VPS35: variants seen among roughly 807,000 people sequenced by gnomAD.
VPS35 encodes vacuolar protein sorting-associated protein 35.
VPS35 carries 21 observed loss-of-function variants against 98.1 expected under a neutral mutation model. The observed-to-expected ratio is 0.21, with a 90% CI of 0.15 to 0.31. The LOEUF (loss-of-function observed/expected upper bound fraction) is 0.31. Among genes scored for constraint, VPS35 ranks in the 10% least tolerant of loss-of-function variants. The probability of loss-of-function intolerance (pLI) is 1.00; values close to 1 mark genes in which losing one functional copy is unlikely to be tolerated. For synonymous variants in VPS35, 268 were observed against 318.2 expected, an observed-to-expected ratio of 0.84 and a Z score of 1.68; for missense variants, 554 against 950.8, an observed-to-expected ratio of 0.58 and a Z score of 5.49.
At chr16:46,668,800 AAATGGGATTTT>A (rs1437923512) in intron 13 of VPS35, 119 bp downstream of exon 13, 15 of 1,333,528 alleles carry the variant, frequency 1.1e-5, no homozygotes, top group African/African-American at 3.0e-5. Flanking sequence ...GAGTTGGCGA[AAATGGGATTTT>A]ATTATACCAC....
In VPS35 at chr16:46,660,454, T is replaced by C. The variant is rs780867284; in HGVS notation, c.*18A>G. ...CACTGGATGTACATGGAAAGGAGTA[T>C]GGTGAGCTATTTCCTTTTTAAAGGA... On this transcript the variant is annotated 3_prime_UTR_variant, in exon 17 of 17. Coordinates refer to ENST00000299138, the MANE Select transcript of VPS35 (RefSeq NM_018206.6). The C allele has an allele frequency of 8.7e-6, 14 of 1,612,700 alleles. No homozygotes were observed. Among genetic ancestry groups the C allele is most frequent in the Admixed American group, 1.7e-5 (1 of 59,992 alleles).
intron 1 of VPS35, among the ~76,000 whole-genome samples, chr16:46,686,701 G>A (rs1354354693): frequency 1.3e-5 from 2 of 152,280 alleles, no homozygotes; most frequent in South Asian, 4.1e-4. Flanking sequence ...ATATGAGCAC[G>A]CTATCATTAA....
chr16:46,660,303 A>C lies in VPS35; in HGVS notation c.*169T>G. 1.6e-6 allele frequency: 1 copy of C among 609,298 alleles called. No individual in the cohort carries two copies. The allele number at this position is 609,298 out of a possible 1,614,324, so 37.7% of individuals were successfully genotyped here. On this transcript the variant is annotated 3_prime_UTR_variant, in exon 17 of 17. Transcript: ENST00000299138. ...CACTTACCAAGTGAATAATTTTATT[A>C]AGGTCCTGAAGGTGAGTGTCCGGAG...
chr16:46,662,681 T>C (rs1352246953), intron 14 of VPS35, among the ~76,000 whole-genome samples, 199 bp from the exon 15 acceptor site: 1 of 152,200 alleles, frequency 6.6e-6, no homozygotes, highest in Non-Finnish European at 1.5e-5. Flanking sequence ...AAGAAACTTC[T>C]TTCAACTTTG....
chr16:46,661,932 C>T lies in VPS35; in HGVS notation c.2068-71G>A. 4.4e-6 allele frequency: 7 copies of T among 1,594,788 alleles called. No individual in the cohort carries two copies. The highest frequency in any genetic ancestry group is 6.0e-6 in the Non-Finnish European group (7 of 1,164,662). On this transcript the variant is annotated intron_variant, in intron 15 of 16. Coordinates refer to ENST00000299138, the MANE Select transcript of VPS35 (RefSeq NM_018206.6). This position sits in a 1 kb window ranked among gnomAD's most constrained non-coding sequence, Gnocchi z 4.3. ...CTCGTTTTCATACAAAGAAACACAA[C>T]ACTACCGTGGCTCTTTCGTGTTTTA...
intron 12 of VPS35, among the ~76,000 whole-genome samples, chr16:46,669,392 G>A (rs964150539): frequency 1.3e-5 from 2 of 152,154 alleles, no homozygotes; most frequent in South Asian, 2.1e-4. Flanking sequence ...CTGGCCAGGT[G>A]TGGTGACTCA....
At chr16:46,688,544 G>A (rs958724727) in intron 1 of VPS35, 3 of 991,070 alleles carry the variant, frequency 3.0e-6, no homozygotes, top group African/African-American at 3.5e-5. Flanking sequence ...AGGATTAGAA[G>A]ACAGCCTGAG....
At chr16:46,676,500 C>T in intron 8 of VPS35, 83 bp downstream of exon 8, 1 of 868,524 alleles carries the variant, frequency 1.2e-6, no homozygotes, top group Non-Finnish European at 1.9e-6. Flanking sequence ...AAAGATGTAA[C>T]AGAAACAAAT....
intron 13 of VPS35, among the ~76,000 whole-genome samples, chr16:46,666,398 A>G (rs771306149): frequency 6.6e-6 from 1 of 151,714 alleles, no homozygotes; most frequent in Non-Finnish European, 1.5e-5. Context: ...ACTCCCGAGT[A>G]GCTGGGACTA....
At chr16:46,679,896 A>G (rs192120373) in intron 5 of VPS35, among the ~76,000 whole-genome samples, 8 of 152,212 alleles carry the variant, frequency 5.3e-5, no homozygotes, top group Non-Finnish European at 8.8e-5. Context: ...AAAAAACATT[A>G]GAAATAAATG....
intron 2 of VPS35, 105 bp downstream of exon 2, chr16:46,683,403 G>T: frequency 9.4e-7 from 1 of 1,068,308 alleles, no homozygotes; most frequent in East Asian, 2.5e-5. Flanking sequence ...GCTGGTAAAC[G>T]GTGAAGATTA....
At chr16:46,672,218 A>C (rs1252841345) in intron 11 of VPS35, 47 bp downstream of exon 11, 1 of 1,569,986 alleles carries the variant, frequency 6.4e-7, no homozygotes, top group African/African-American at 1.4e-5. Flanking sequence ...CCAAAGTCTA[A>C]AATTGTAACA....
rs553156270 is a variant in VPS35, at chr16:46,656,274, G to T, written c.*4198C>A. 6.6e-6 allele frequency: 1 copy of T among 152,148 alleles called. No homozygotes were observed. Among genetic ancestry groups the T allele is most frequent in the Non-Finnish European group, 1.5e-5 (1 of 68,018 alleles). 9.4% of individuals were successfully genotyped at this position (152,148 alleles called of 1,614,324 possible). A position where few individuals can be genotyped will look rare whatever the true frequency, so the allele number is the denominator to read the frequency against. On this transcript the variant is annotated 3_prime_UTR_variant, in exon 17 of 17. Transcript: ENST00000299138. The stretch of plus-strand genomic sequence containing the variant: ...GCTCTGCACATGGGAAGATAAACTC[G>T]TAATGAACATTATCAATCAGTATGC...
intron 15 of VPS35, 140 bp downstream of exon 15, chr16:46,662,103 C>A: frequency 6.7e-7 from 1 of 1,491,420 alleles, no homozygotes; most frequent in Non-Finnish European, 9.2e-7. Flanking sequence ...GGATGAGACT[C>A]TCTTTTTTAA....
At chr16:46,683,376 T>G in intron 2 of VPS35, 132 bp downstream of exon 2, 10 of 849,146 alleles carry the variant, frequency 1.2e-5, no homozygotes, top group Admixed American at 2.0e-5. Flanking sequence ...TTGAGGGAGA[T>G]GAGACTGAAG....
intron 1 of VPS35, among the ~76,000 whole-genome samples, chr16:46,686,463 T>C (rs565196734): frequency 2.0e-5 from 3 of 152,360 alleles, no homozygotes; most frequent in African/African-American, 7.2e-5. Flanking sequence ...AAAATTCTTC[T>C]ATTTTGTCTC....
chr16:46,671,664 C>G lies in VPS35; in HGVS notation c.1524+41G>C, dbSNP rs4966616. 241,055 of 1,612,412 alleles carry G rather than the reference C, an allele frequency of 0.15. 19,954 individuals carry two copies. The highest frequency in any genetic ancestry group is 0.29 in the African/African-American group (21,636 of 74,906). On this transcript the variant is annotated intron_variant, in intron 12 of 16. Transcript: ENST00000299138. ...TTAAGCACTTGAACATGTGATTTCA[C>G]TAGGAGCTGATACAGGGATATACTA...
chr16:46,663,512 G>A (rs566206994), intron 13 of VPS35, among the ~76,000 whole-genome samples: 2 of 152,244 alleles, frequency 1.3e-5, no homozygotes, highest in South Asian at 4.1e-4. Context: ...CTCCCGAGTA[G>A]CTGGGATTAC....
intron 16 of VPS35, 109 bp from the exon 17 acceptor site, chr16:46,660,760 A>G (rs568023547): frequency 1.5e-6 from 1 of 676,294 alleles, no homozygotes; most frequent in South Asian, 1.5e-5. Flanking sequence ...CAATTACCTG[A>G]GTAATTATGA....
Sources: gnomAD v4.1 joint callset for allele counts (sites outside exome capture counted in the v4.1 genomes callset) on GRCh38, gnomAD v4.1.1 for gene constraint, Gnocchi (gnomAD v3.1) non-coding constraint, MANE v1.5 for transcripts, NCBI Gene and HGNC (gene_info 2026-07-23, HGNC 2026-07-21) for gene names.